The following CMSS1 variants were observed in gnomAD, a reference collection of about 807,000 sequenced individuals.
CMSS1 encodes the protein protein CMSS1.
A neutral mutation model predicts 43.5 loss-of-function variants in CMSS1; 33 were observed. The observed-to-expected ratio is 0.76, with a 90% CI of 0.57 to 1.01. The LOEUF is 1.01. CMSS1 is among the 50% of genes least tolerant of loss of function. The pLI, the probability that CMSS1 is intolerant of heterozygous loss-of-function variation, is 0.00. For missense variants in CMSS1, 313 were observed against 326.4 expected (o/e 0.96, Z 0.32); for synonymous variants, 115 against 117.2 (o/e 0.98, Z 0.12).
intron 1 of CMSS1, among the ~76,000 whole-genome samples, chr3:99,978,074 A>C (rs1173832789): frequency 6.6e-6 from 1 of 152,222 alleles, no homozygotes; most frequent in Non-Finnish European, 1.5e-5. Flanking sequence ...ACGTTTCAAA[A>C]GAAAACATTT....
chr3:99,915,171 C>G (rs559142271), intron 1 of CMSS1, among the ~76,000 whole-genome samples: 39 of 152,186 alleles, frequency 2.6e-4, no homozygotes, highest in African/African-American at 9.4e-4. Flanking sequence ...GTCTTATATC[C>G]CATTCTCCCA....
chr3:100,073,093 CT>C (rs1334827405), intron 1 of CMSS1, among the ~76,000 whole-genome samples: 1 of 152,122 alleles, frequency 6.6e-6, no homozygotes, highest in African/African-American at 2.4e-5. Flanking sequence ...CATCATGTTT[CT>C]TTCATCTGCC....
rs757175318 is a variant in CMSS1 at position 99,988,511 on chromosome 3, CAAAAA to C, written c.65-158447_65-158443del. 5.8e-3 allele frequency among the ~76,000 whole-genome samples: 277 copies of C among 47,868 alleles called. 1 individual carries two copies. The highest frequency in any genetic ancestry group is 9.5e-3 in the Non-Finnish European group (228 of 24,118). The allele number at this position is 47,868 out of a possible 152,430, so 31.4% of individuals were successfully genotyped here. A position where few individuals can be genotyped will look rare whatever the true frequency, so the allele number is the denominator to read the frequency against. ...TGGGCGACAGAGCGAGACTCCATCT[CAAAAA>C]AAAAAAAAAAAAAAGAAAGAAAAGG... On this transcript the variant is annotated intron_variant, in intron 1 of 9. Coordinates refer to ENST00000421999, the MANE Select transcript of CMSS1 (RefSeq NM_032359.4).
At chr3:100,090,941 G>A (rs891806789) in intron 1 of CMSS1, among the ~76,000 whole-genome samples, 3 of 152,076 alleles carry the variant, frequency 2.0e-5, no homozygotes, top group African/African-American at 7.2e-5. Context: ...AAGTAGCTTG[G>A]GATTACAAGT....
At chr3:100,152,813 G>C (rs1311019169) in intron 2 of CMSS1, among the ~76,000 whole-genome samples, 2 of 152,130 alleles carry the variant, frequency 1.3e-5, no homozygotes, top group African/African-American at 4.8e-5. Context: ...ATAACAAAGA[G>C]CCCCTTTCCT....
At chr3:99,907,129 G>A (rs1308580688) in intron 1 of CMSS1, among the ~76,000 whole-genome samples, 2 of 152,138 alleles carry the variant, frequency 1.3e-5, no homozygotes, top group African/African-American at 2.4e-5. Flanking sequence ...GCATATACTG[G>A]AAGCAGCCCT....
At chr3:99,942,278 TTA>T in intron 1 of CMSS1, among the ~76,000 whole-genome samples, 1 of 152,328 alleles carries the variant, frequency 6.6e-6, no homozygotes, top group East Asian at 1.9e-4. Context: ...AATGTGCTTT[TTA>T]TTTTTCCAGA....
chr3:100,155,284 A>C (rs574903514), intron 2 of CMSS1, among the ~76,000 whole-genome samples: 3 of 152,338 alleles, frequency 2.0e-5, no homozygotes, highest in African/African-American at 7.2e-5. Context: ...TTCAACACTG[A>C]GAGAAAGAAG....
At chr3:99,822,125 T>G (rs1256482751) in intron 1 of CMSS1, among the ~76,000 whole-genome samples, 1 of 152,212 alleles carries the variant, frequency 6.6e-6, no homozygotes. Context: ...TCCCTTTTTA[T>G]TTCAATGACA....
intron 1 of CMSS1, chr3:99,874,571 CAT>C (rs986382634): frequency 6.6e-6 from 1 of 152,110 alleles, no homozygotes; most frequent in African/African-American, 2.4e-5. Flanking sequence ...GGCCAAATAA[CAT>C]ATAATTTTTC....
In CMSS1 at chr3:100,117,829, A is replaced by G. The variant is rs868404204; in HGVS notation, c.65-29144A>G. Among the ~76,000 whole-genome samples, 342 of 87,042 alleles carry G rather than the reference A, an allele frequency of 3.9e-3. 4 individuals carry two copies. The highest frequency in any genetic ancestry group is 0.018 in the African/African-American group (334 of 18,960). The allele number at this position is 87,042 out of a possible 152,430, so 57.1% of individuals were successfully genotyped here. A position where few individuals can be genotyped will look rare whatever the true frequency, so the allele number is the denominator to read the frequency against. ...TCAATGGATAGATAAACTGCAGTAT[A>G]TATATATATATATATATATATATAC... is the stretch of plus-strand genomic sequence containing the variant. On this transcript the variant is annotated intron_variant, in intron 1 of 9. Transcript: ENST00000421999.
intron 1 of CMSS1, among the ~76,000 whole-genome samples, chr3:99,891,886 C>G (rs1706093107): frequency 6.6e-6 from 1 of 152,124 alleles, no homozygotes; most frequent in African/African-American, 2.4e-5. Context: ...AAGTTCTAGT[C>G]ATTCTTAGGT....
chr3:99,937,777 C>T (rs1559695953), intron 1 of CMSS1, among the ~76,000 whole-genome samples: 1 of 152,210 alleles, frequency 6.6e-6, no homozygotes, highest in Admixed American at 6.5e-5. Context: ...TTGCAAACCA[C>T]TGGCTAGAAA....
intron 1 of CMSS1, chr3:100,051,213 A>G (rs1477331557): frequency 2.0e-5 from 3 of 152,006 alleles, no homozygotes; most frequent in Non-Finnish European, 4.4e-5. Context: ...ATTTTTTCCG[A>G]TATTCTGTTT....
At position 99,987,422 on chromosome 3, in the gene CMSS1, G is replaced by A. The variant is rs1207670656; in HGVS notation, c.65-159551G>A. 8.6e-5 allele frequency among the ~76,000 whole-genome samples: 13 copies of A among 150,852 alleles called. 1 individual carries two copies. In the South Asian group the frequency reaches 1.7e-3, roughly 19 times the overall value. ...CATACACCTGTTATCTCAGCTACTC[G>A]GGAGGCTGAGACAGGAGACTCTCTT... On this transcript the variant is annotated intron_variant, in intron 1 of 9. Coordinates refer to ENST00000421999, the MANE Select transcript of CMSS1 (RefSeq NM_032359.4).
At chr3:99,925,854 C>T (rs1707276872) in intron 1 of CMSS1, 1 of 985,342 alleles carries the variant, frequency 1.0e-6, no homozygotes, top group African/African-American at 1.7e-5. Flanking sequence ...GCCAAGCTCA[C>T]TGGGCTGGTT....
intron 1 of CMSS1, chr3:100,011,576 A>G (rs187454909): frequency 6.6e-6 from 1 of 152,350 alleles, no homozygotes; most frequent in Non-Finnish European, 1.5e-5. Flanking sequence ...ATGGAATATT[A>G]GCACTTATTG....
At chr3:99,921,690 G>A (rs551818995) in intron 1 of CMSS1, among the ~76,000 whole-genome samples, 6 of 151,830 alleles carry the variant, frequency 4.0e-5, no homozygotes, top group Non-Finnish European at 5.9e-5. Flanking sequence ...TATTCTTCAA[G>A]GTAAAGAATC....
chr3:99,826,497 T>C lies in CMSS1; in HGVS notation c.64+8454T>C, dbSNP rs75143819. Among the ~76,000 whole-genome samples, 1,487 of 152,344 alleles carry C rather than the reference T, an allele frequency of 9.8e-3. 36 individuals carry two copies. The highest frequency in any genetic ancestry group is 0.033 in the African/African-American group (1,373 of 41,566). ...TATTTATGGACAACAATATTTGAAT[T>C]TTATGTAATTTTCACGTCACAAAAT... On this transcript the variant is annotated intron_variant, in intron 1 of 9. Transcript: ENST00000421999.
Sources: allele counts gnomAD v4.1 joint callset (sites outside exome capture counted in the v4.1 genomes callset), GRCh38; gene constraint gnomAD v4.1.1; transcripts MANE v1.5; gene names NCBI Gene and HGNC (gene_info 2026-07-23, HGNC 2026-07-21).